KCNMB2: variants seen among roughly 807,000 people sequenced by gnomAD.
KCNMB2 encodes calcium-activated potassium channel subunit beta-2.
KCNMB2 carries 9 observed loss-of-function variants against 24.5 expected under a neutral mutation model. The observed-to-expected ratio is 0.37, with a 90% CI of 0.22 to 0.64. The LOEUF (loss-of-function observed/expected upper bound fraction) is 0.64. KCNMB2 is among the 30% of genes least tolerant of loss of function. The probability of loss-of-function intolerance (pLI) is 0.63; values close to 1 mark genes in which losing one functional copy is unlikely to be tolerated. For synonymous variants in KCNMB2, 109 were observed against 104.4 expected (o/e 1.04, Z -0.27); for missense variants, 226 against 284.3 (o/e 0.79, Z 1.47).
At position 178,801,526 on chromosome 3, in the gene KCNMB2, G is replaced by A. The variant is rs369348224; in HGVS notation, c.-67-5817G>A. On this transcript the variant is annotated intron_variant, in intron 1 of 4. Transcript: ENST00000452583. The stretch of plus-strand genomic sequence containing the variant: ...GAAAAGTATTTTTCATTCTTGTTAT[G>A]AAGCATCAAGAGACTATTCAGTAGT... Among the ~76,000 whole-genome samples, 11 of 152,240 alleles carry A rather than the reference G, an allele frequency of 7.2e-5. No individual in the cohort carries two copies. The East Asian group carries it at 1.5e-3, about 21-fold the overall frequency.
chr3:178,613,151 A>G (rs951912953), intron 1 of KCNMB2, among the ~76,000 whole-genome samples: 3 of 152,194 alleles, frequency 2.0e-5, no homozygotes, highest in African/African-American at 7.2e-5. Flanking sequence ...TAATCCCGGC[A>G]CTTTGGGTGG....
intron 1 of KCNMB2, among the ~76,000 whole-genome samples, chr3:178,595,032 G>A (rs990608165): frequency 1.2e-4 from 17 of 141,588 alleles, no homozygotes; most frequent in South Asian, 6.8e-4. Context: ...TTATTATTCC[G>A]TGCCTTAGTG....
At chr3:178,665,390 A>T (rs1017164295) in intron 1 of KCNMB2, among the ~76,000 whole-genome samples, 1 of 152,180 alleles carries the variant, frequency 6.6e-6, no homozygotes, top group Non-Finnish European at 1.5e-5. Flanking sequence ...TAAACTTTTT[A>T]AAAATACTGA....
chr3:178,710,751 C>T (rs139805960), intron 1 of KCNMB2, among the ~76,000 whole-genome samples: 1 of 152,276 alleles, frequency 6.6e-6, no homozygotes, highest in East Asian at 1.9e-4. Context: ...GGGTAGAAAG[C>T]ACCTTGAAAG....
chr3:178,567,437 A>C (rs564543327), intron 1 of KCNMB2, among the ~76,000 whole-genome samples: 1 of 152,166 alleles, frequency 6.6e-6, no homozygotes, highest in South Asian at 2.1e-4. Flanking sequence ...ATAAATGATC[A>C]CTATATTATT....
At chr3:178,615,615 C>G (rs1016230399) in intron 1 of KCNMB2, among the ~76,000 whole-genome samples, 13 of 152,230 alleles carry the variant, frequency 8.5e-5, no homozygotes, top group Non-Finnish European at 1.5e-4. Context: ...GGCTCAAGGG[C>G]TCTTAAGTCA....
chr3:178,565,738 C>T (rs1716495409), intron 1 of KCNMB2, among the ~76,000 whole-genome samples: 1 of 152,208 alleles, frequency 6.6e-6, no homozygotes, highest in South Asian at 2.1e-4. Flanking sequence ...AAATCTTCAG[C>T]ATCCCCTCTG....
chr3:178,734,020 AAAG>A (rs768709956), intron 1 of KCNMB2, among the ~76,000 whole-genome samples: 303 of 152,284 alleles, frequency 2.0e-3, no homozygotes, highest in Non-Finnish European at 3.7e-3. Flanking sequence ...ATATGAGAGA[AAAG>A]AAGGATCAAA....
At chr3:178,649,668 T>C (rs868594247) in intron 1 of KCNMB2, among the ~76,000 whole-genome samples, 1 of 152,198 alleles carries the variant, frequency 6.6e-6, no homozygotes, top group Non-Finnish European at 1.5e-5. Context: ...GAGGTGTTTA[T>C]AGTATTCTCT....
At chr3:178,540,010 T>TA (rs1715564540) in intron 1 of KCNMB2, among the ~76,000 whole-genome samples, 1 of 152,154 alleles carries the variant, frequency 6.6e-6, no homozygotes, top group South Asian at 2.1e-4. Flanking sequence ...CCTCCATACT[T>TA]ACATATCCAA....
At chr3:178,653,506 C>T (rs1379273403) in intron 1 of KCNMB2, among the ~76,000 whole-genome samples, 1 of 151,998 alleles carries the variant, frequency 6.6e-6, no homozygotes, top group African/African-American at 2.4e-5. Flanking sequence ...TGTGTCTGAC[C>T]TTAAAGTATC....
chr3:178,814,211 C>T (rs80215822), intron 2 of KCNMB2, among the ~76,000 whole-genome samples: 6,926 of 152,116 alleles, frequency 0.046, 283 homozygotes, highest in Admixed American at 0.12. Context: ...CCACATGTAC[C>T]CATTGTTTAA....
intron 1 of KCNMB2, among the ~76,000 whole-genome samples, chr3:178,559,179 A>G (rs1039023837): frequency 2.0e-5 from 3 of 152,194 alleles, no homozygotes; most frequent in Admixed American, 6.5e-5. Flanking sequence ...AACTATCTGT[A>G]TGACTATAAA....
chr3:178,582,531 A>C (rs1717254210), intron 1 of KCNMB2, among the ~76,000 whole-genome samples: 1 of 152,144 alleles, frequency 6.6e-6, no homozygotes, highest in Admixed American at 6.6e-5. Flanking sequence ...AAATCAGATA[A>C]GGAGCATAAC....
intron 1 of KCNMB2, among the ~76,000 whole-genome samples, chr3:178,618,371 A>G (rs965138798): frequency 6.6e-6 from 1 of 152,064 alleles, no homozygotes; most frequent in Non-Finnish European, 1.5e-5. Flanking sequence ...TTTTTATTTT[A>G]TCCTCATAAG....
intron 1 of KCNMB2, among the ~76,000 whole-genome samples, chr3:178,734,304 C>T (rs1336118659): frequency 6.6e-6 from 1 of 152,198 alleles, no homozygotes; most frequent in African/African-American, 2.4e-5. Context: ...CATGCCTTCA[C>T]TCAAAAACTT....
chr3:178,756,091 GGAAA>G (rs1724026272), intron 1 of KCNMB2, among the ~76,000 whole-genome samples: 1 of 151,894 alleles, frequency 6.6e-6, no homozygotes, highest in South Asian at 2.1e-4. Context: ...CAGTTCAACT[GGAAA>G]GATGATCATA....
intron 1 of KCNMB2, among the ~76,000 whole-genome samples, chr3:178,725,408 A>G (rs1722935051): frequency 2.0e-5 from 3 of 152,050 alleles, no homozygotes; most frequent in Non-Finnish European, 2.9e-5. Flanking sequence ...AAAAAACGAA[A>G]AAGTTATCAC....
At chr3:178,633,951 G>A (rs371813521) in intron 1 of KCNMB2, among the ~76,000 whole-genome samples, 8 of 152,164 alleles carry the variant, frequency 5.3e-5, no homozygotes, top group South Asian at 4.1e-4. Flanking sequence ...GCAAAATGCC[G>A]CTAGTCTCTT....
Sources: gnomAD v4.1 joint callset for allele counts (sites outside exome capture counted in the v4.1 genomes callset) on GRCh38, gnomAD v4.1.1 for gene constraint, MANE v1.5 for transcripts, NCBI Gene and HGNC (gene_info 2026-07-23, HGNC 2026-07-21) for gene names.